The following KIF5C variants were observed in gnomAD, a reference collection of about 807,000 sequenced individuals.
The protein encoded by KIF5C is kinesin heavy chain isoform 5C.
KIF5C carries 18 observed loss-of-function variants against 125.2 expected under a neutral mutation model. The ratio of observed to expected loss-of-function variants is 0.14; its 90% CI spans 0.10 to 0.21. The LOEUF (loss-of-function observed/expected upper bound fraction) is 0.21. Ranked by LOEUF, KIF5C falls within the 10% of genes least tolerant of loss-of-function variation. The pLI is 1.00. For missense variants in KIF5C, 780 were observed against 1,183.8 expected (o/e 0.66, Z 5.01); for synonymous variants, 405 against 434.0 (o/e 0.93, Z 0.83).
intron 12 of KIF5C, among the ~76,000 whole-genome samples, chr2:148,978,676 G>C (rs1040189979): frequency 6.6e-6 from 1 of 152,150 alleles, no homozygotes; most frequent in Non-Finnish European, 1.5e-5. Flanking sequence ...CAATGAGCAG[G>C]AATTGGGTTG....
chr2:148,925,232 C>T (rs569415339), intron 2 of KIF5C, among the ~76,000 whole-genome samples: 6 of 152,180 alleles, frequency 3.9e-5, no homozygotes, highest in South Asian at 2.1e-4. Context: ...CAACTTGGAG[C>T]GGCACAGGGT....
intron 1 of KIF5C, chr2:148,884,212 G>A (rs1286854571): frequency 6.6e-6 from 1 of 152,186 alleles, no homozygotes; most frequent in African/African-American, 2.4e-5. Flanking sequence ...AAAGGATGTT[G>A]TTTGTTGGAG....
intron 12 of KIF5C, among the ~76,000 whole-genome samples, chr2:148,978,604 T>C (rs1489160575): frequency 6.6e-6 from 1 of 152,180 alleles, no homozygotes; most frequent in Admixed American, 6.5e-5. Flanking sequence ...TTAGCATCTT[T>C]GAATTGGGAG....
At chr2:148,970,260 C>T (rs568922645) in intron 11 of KIF5C, among the ~76,000 whole-genome samples, 15 of 152,060 alleles carry the variant, frequency 9.9e-5, no homozygotes, top group Non-Finnish European at 1.3e-4. Flanking sequence ...ATAAAATTAT[C>T]GTAAAGATCT....
chr2:148,893,038 A>G (rs1681749332), intron 1 of KIF5C, among the ~76,000 whole-genome samples: 1 of 152,042 alleles, frequency 6.6e-6, no homozygotes, highest in South Asian at 2.1e-4. Flanking sequence ...GATACTTAGA[A>G]CCCTTGTCTC....
In KIF5C at chr2:148,997,322, G is replaced by A; in HGVS notation, c.2082G>A (p.Gln694=). ...DKEKEHLTRL[Q]DAEEMKKALE... ...AGAAGGAACATCTGACGCGGTTGCA[G>A]GATGCTGAAGAAATGAAGGTGTGTG... is the stretch of plus-strand genomic sequence containing the variant. The change falls in exon 18 of 26, where the codon CAG becomes CAA. Residue 694 remains glutamine, a synonymous_variant. Coordinates refer to ENST00000435030, the MANE Select transcript of KIF5C (RefSeq NM_004522.3). The A allele has an allele frequency of 6.2e-7, 1 of 1,614,012 alleles. No homozygotes were observed. The highest frequency in any genetic ancestry group is 8.5e-7 in the Non-Finnish European group (1 of 1,179,880).
chr2:148,938,673 G>C (rs1354427306), intron 4 of KIF5C, among the ~76,000 whole-genome samples: 1 of 152,190 alleles, frequency 6.6e-6, no homozygotes, highest in East Asian at 1.9e-4. Flanking sequence ...TGGCTGGGGA[G>C]GGTGAAGGGG....
rs1353690306 is a variant in KIF5C at position 149,008,215 on chromosome 2, C to T, written c.2550+148C>T. The T allele has an allele frequency of 6.4e-6, 7 of 1,088,516 alleles. No homozygotes were observed. In the African/African-American group the frequency reaches 1.1e-4, roughly 17 times the overall value. 67.4% of individuals were successfully genotyped at this position (1,088,516 alleles called of 1,614,324 possible). A position where few individuals can be genotyped will look rare whatever the true frequency, so the allele number is the denominator to read the frequency against. On this transcript the variant is annotated intron_variant, in intron 23 of 25. Transcript: ENST00000435030. ...CAGAGGACATGAGGGCTGGAAAGGT[C>T]CTTACAAATCCTTTAGTTCTCAGTG...
rs150513569 is a variant in KIF5C, at chr2:148,928,833, G to C, written c.218-448G>C. 9.6e-3 allele frequency among the ~76,000 whole-genome samples: 1,465 copies of C among 152,284 alleles called. 22 individuals carry two copies. The highest frequency in any genetic ancestry group is 0.031 in the African/African-American group (1,297 of 41,550). ...CTTTCAGGAGAAACCTCCCCAAGGA[G>C]CTAGCCTGGGCCAGCGTTTAAACTG... On this transcript the variant is annotated intron_variant, in intron 2 of 25. Coordinates refer to ENST00000435030, the MANE Select transcript of KIF5C (RefSeq NM_004522.3).
chr2:148,994,882 T>C (rs1681623813), intron 17 of KIF5C, among the ~76,000 whole-genome samples: 1 of 152,034 alleles, frequency 6.6e-6, no homozygotes, highest in Non-Finnish European at 1.5e-5. Flanking sequence ...TTGTATTTTT[T>C]AGTAGAGATG....
At chr2:149,014,088 G>T (rs1682290322) in intron 25 of KIF5C, among the ~76,000 whole-genome samples, 1 of 152,140 alleles carries the variant, frequency 6.6e-6, no homozygotes, top group Non-Finnish European at 1.5e-5. Context: ...GCAATGGCAT[G>T]ATCTTGGCTC....
chr2:148,904,512 A>T (rs1231486652), intron 1 of KIF5C, among the ~76,000 whole-genome samples: 1 of 152,160 alleles, frequency 6.6e-6, no homozygotes, highest in East Asian at 1.9e-4. Flanking sequence ...ATTTATTATT[A>T]TGGATTAGGC....
intron 11 of KIF5C, among the ~76,000 whole-genome samples, chr2:148,966,311 G>C (rs1356083841): frequency 2.0e-5 from 3 of 151,986 alleles, no homozygotes. Flanking sequence ...AGCTGCTGGA[G>C]AGCAAGGAAG....
chr2:149,017,869 T>C (rs1009978113), intron 25 of KIF5C, among the ~76,000 whole-genome samples: 1 of 152,090 alleles, frequency 6.6e-6, no homozygotes, highest in East Asian at 1.9e-4. Context: ...AAACCACAAA[T>C]AAAAAGTCCA....
intron 25 of KIF5C, among the ~76,000 whole-genome samples, chr2:149,011,956 G>A (rs544707654): frequency 3.4e-4 from 52 of 152,302 alleles, no homozygotes; most frequent in African/African-American, 1.2e-3. Context: ...TGATTCAGCC[G>A]AGCTTTGTTT....
At chr2:148,989,052 G>C (rs753358040) in intron 15 of KIF5C, among the ~76,000 whole-genome samples, 32 of 151,948 alleles carry the variant, frequency 2.1e-4, no homozygotes, top group Non-Finnish European at 3.7e-4. Context: ...TGAGATTTTG[G>C]TGCACCCATC....
rs1176429953 is a variant in KIF5C, at chr2:148,888,452, C to A, written c.126+12709C>A. Reference sequence around the variant, plus strand: ...GGGAGGCGGCCACTCCGCTTGGCGCCGTGAGGGAAACCAAGGAAACCGTCT... The same window carrying A: ...GGGAGGCGGCCACTCCGCTTGGCGCAGTGAGGGAAACCAAGGAAACCGTCT... On this transcript the variant is annotated intron_variant, in intron 1 of 25. Coordinates refer to ENST00000435030, the MANE Select transcript of KIF5C (RefSeq NM_004522.3). 2.0e-5 allele frequency: 3 copies of A among 152,262 alleles called. No individual in the cohort carries two copies. In the East Asian group the frequency reaches 5.8e-4, roughly 30 times the overall value. 9.4% of individuals were successfully genotyped at this position (152,262 alleles called of 1,614,324 possible).
chr2:148,899,559 C>T (rs1221726136), intron 1 of KIF5C, among the ~76,000 whole-genome samples: 6 of 151,784 alleles, frequency 4.0e-5, no homozygotes, highest in South Asian at 4.2e-4. Flanking sequence ...AAAAATCAGC[C>T]GGGCGTGGTG....
chr2:148,954,232 A>C (rs1417598316), intron 10 of KIF5C, among the ~76,000 whole-genome samples: 1 of 152,170 alleles, frequency 6.6e-6, no homozygotes. Context: ...GCATCGTGCC[A>C]TTAAAGAAGT....
Sources: allele counts gnomAD v4.1 joint callset (sites outside exome capture counted in the v4.1 genomes callset), GRCh38; gene constraint gnomAD v4.1.1; transcripts MANE v1.5; gene names NCBI Gene and HGNC (gene_info 2026-07-23, HGNC 2026-07-21).